PRDM6: variants seen among roughly 807,000 people sequenced by gnomAD.
PRDM6 encodes the protein PR/SET domain 6, also known as putative histone-lysine N-methyltransferase PRDM6.
PRDM6 carries 25 observed loss-of-function variants against 60.8 expected under a neutral mutation model. The observed-to-expected ratio is 0.41, with a 90% CI of 0.30 to 0.57. The LOEUF (loss-of-function observed/expected upper bound fraction) is 0.57. PRDM6 is among the 20% of genes least tolerant of loss of function. The pLI is 0.27. For missense variants in PRDM6, 839 were observed against 821.3 expected, an observed-to-expected ratio of 1.02 and a Z score of -0.26; for synonymous variants, 407 against 357.4, an observed-to-expected ratio of 1.14 and a Z score of -1.57.
intron 3 of PRDM6, among the ~76,000 whole-genome samples, chr5:123,136,519 C>G (rs999121374): frequency 1.3e-5 from 2 of 152,082 alleles, no homozygotes; most frequent in Non-Finnish European, 2.9e-5. Context: ...TAATTAGAAA[C>G]TAAGTAGCCA....
chr5:123,128,989 C>T (rs148007856), intron 3 of PRDM6, among the ~76,000 whole-genome samples: 2,289 of 152,264 alleles, frequency 0.015, 51 homozygotes, highest in East Asian at 0.088. Context: ...TATAGCTAGC[C>T]AGTTTTCCCA....
At chr5:123,172,546 GC>G (rs1422736492) in intron 6 of PRDM6, among the ~76,000 whole-genome samples, 4 of 152,234 alleles carry the variant, frequency 2.6e-5, no homozygotes, top group Non-Finnish European at 5.9e-5. Context: ...TGCCTTCCTT[GC>G]AAGTATACGT....
At chr5:123,141,473 A>G (rs1167435372) in intron 3 of PRDM6, among the ~76,000 whole-genome samples, 3 of 152,062 alleles carry the variant, frequency 2.0e-5, no homozygotes, top group South Asian at 4.1e-4. Flanking sequence ...TCTCTTTTGT[A>G]ATTGTATGTC....
intron 2 of PRDM6, among the ~76,000 whole-genome samples, chr5:123,095,063 C>G (rs1467584942): frequency 6.6e-6 from 1 of 152,160 alleles, no homozygotes; most frequent in East Asian, 1.9e-4. Flanking sequence ...GGAGCTGGGC[C>G]GCCCCGCAGG....
chr5:123,133,496 T>C (rs1764882092), intron 3 of PRDM6, among the ~76,000 whole-genome samples: 2 of 152,054 alleles, frequency 1.3e-5, no homozygotes, highest in Admixed American at 1.3e-4. Context: ...TTATTAAAAG[T>C]CAGAATTAGC....
chr5:123,142,982 C>A (rs335160), intron 3 of PRDM6, among the ~76,000 whole-genome samples: 107,752 of 150,256 alleles, frequency 0.72, 38,759 homozygotes, highest in Non-Finnish European at 0.75. Flanking sequence ...AGTGAGATCA[C>A]GTACTTCAGA....
At chr5:123,096,209 C>T (rs1225013635) in intron 2 of PRDM6, among the ~76,000 whole-genome samples, 1 of 152,152 alleles carries the variant, frequency 6.6e-6, no homozygotes, top group Non-Finnish European at 1.5e-5. Flanking sequence ...TGAACATTTA[C>T]TTGCTTCCTT....
At chr5:123,112,883 A>G (rs1255971886) in intron 3 of PRDM6, among the ~76,000 whole-genome samples, 3 of 146,100 alleles carry the variant, frequency 2.1e-5, no homozygotes, top group East Asian at 2.1e-4. Context: ...TGCCACAACT[A>G]TAGCCTGACA....
At chr5:123,091,744 A>C (rs1328783237) in intron 2 of PRDM6, among the ~76,000 whole-genome samples, 1 of 152,266 alleles carries the variant, frequency 6.6e-6, no homozygotes, top group East Asian at 1.9e-4. Flanking sequence ...GCATTCATTC[A>C]GCTATTTTCT....
chr5:123,147,905 A>G (rs1765284061), intron 3 of PRDM6, among the ~76,000 whole-genome samples: 1 of 152,206 alleles, frequency 6.6e-6, no homozygotes, highest in African/African-American at 2.4e-5. Context: ...AATTCACCAA[A>G]TGCTCAACAG....
chr5:123,141,020 G>A (rs1389950426), intron 3 of PRDM6, among the ~76,000 whole-genome samples: 1 of 151,838 alleles, frequency 6.6e-6, no homozygotes, highest in Non-Finnish European at 1.5e-5. Context: ...ATTTTTACAA[G>A]GGTGATTATA....
chr5:123,146,143 A>G (rs1765233790), intron 3 of PRDM6, among the ~76,000 whole-genome samples: 1 of 152,244 alleles, frequency 6.6e-6, no homozygotes, highest in African/African-American at 2.4e-5. Flanking sequence ...CTTTGGTCCA[A>G]GCTGCTTCTT....
At chr5:123,112,783 C>CTTTTTTTTTTTTT (rs537426568) in intron 3 of PRDM6, among the ~76,000 whole-genome samples, 7 of 47,504 alleles carry the variant, frequency 1.5e-4, no homozygotes, top group African/African-American at 2.9e-4. Context: ...TCTAATGGCT[C>CTTTTTTTTTTTTT]TTTTTTTTTT....
At chr5:123,166,305 C>T (rs2126880471) in intron 5 of PRDM6, among the ~76,000 whole-genome samples, 1 of 152,290 alleles carries the variant, frequency 6.6e-6, no homozygotes, top group South Asian at 2.1e-4. Flanking sequence ...GCCTTTTCCT[C>T]CCTTTGCACT....
At chr5:123,140,075 C>G (rs2126859666) in intron 3 of PRDM6, among the ~76,000 whole-genome samples, 1 of 152,160 alleles carries the variant, frequency 6.6e-6, no homozygotes, top group East Asian at 1.9e-4. Context: ...CAAAAATTTT[C>G]TAAGCACTGT....
intron 2 of PRDM6, among the ~76,000 whole-genome samples, chr5:123,093,817 C>T (rs955166067): frequency 6.6e-6 from 1 of 152,126 alleles, no homozygotes; most frequent in Non-Finnish European, 1.5e-5. Context: ...TTCTGAGTAG[C>T]ATCCCGGCTG....
intron 5 of PRDM6, among the ~76,000 whole-genome samples, chr5:123,167,981 G>A (rs1765795889): frequency 6.6e-6 from 1 of 152,106 alleles, no homozygotes; most frequent in Non-Finnish European, 1.5e-5. Context: ...TAATGAAAGG[G>A]CCAAACAAGG....
At chr5:123,095,362 G>A (rs1424002337) in intron 2 of PRDM6, among the ~76,000 whole-genome samples, 1 of 152,220 alleles carries the variant, frequency 6.6e-6, no homozygotes, top group African/African-American at 2.4e-5. Context: ...CTCCCTTTCA[G>A]CCATCCCATC....
At chr5:123,161,583 G>A (rs141460416) in intron 5 of PRDM6, among the ~76,000 whole-genome samples, 49 of 152,310 alleles carry the variant, frequency 3.2e-4, no homozygotes, top group African/African-American at 1.2e-3. Context: ...GAGCATTCCT[G>A]GCAGCCAGAC....
Sources: allele counts gnomAD v4.1 joint callset (sites outside exome capture counted in the v4.1 genomes callset), GRCh38; gene constraint gnomAD v4.1.1; transcripts MANE v1.5; gene names NCBI Gene and HGNC (gene_info 2026-07-23, HGNC 2026-07-21).